TBC1D14: variants seen among roughly 807,000 people sequenced by gnomAD.
TBC1D14 encodes TBC1 domain family, member 14.
TBC1D14 carries 26 observed loss-of-function variants against 79.0 expected under a neutral mutation model. That is an observed-to-expected ratio of 0.33 (90% CI 0.24 to 0.46). The LOEUF (loss-of-function observed/expected upper bound fraction) is 0.46. TBC1D14 is among the 20% of genes least tolerant of loss of function. The pLI, the probability that TBC1D14 is intolerant of heterozygous loss-of-function variation, is 1.00. For missense variants in TBC1D14, 769 were observed against 887.6 expected (o/e 0.87, Z 1.70); for synonymous variants, 394 against 349.9 (o/e 1.13, Z -1.40).
intron 1 of TBC1D14, among the ~76,000 whole-genome samples, chr4:6,921,211 T>A (rs1723827832): frequency 6.6e-6 from 1 of 152,040 alleles, no homozygotes; most frequent in African/African-American, 2.4e-5. Context: ...TATTTTTTAT[T>A]TATTTATTTT....
At chr4:6,949,971 G>T (rs1282837518) in intron 2 of TBC1D14, among the ~76,000 whole-genome samples, 1 of 152,096 alleles carries the variant, frequency 6.6e-6, no homozygotes, top group South Asian at 2.1e-4. Flanking sequence ...AGGTATACAT[G>T]TGTTGTGGTT....
intron 2 of TBC1D14, among the ~76,000 whole-genome samples, chr4:6,963,961 C>G (rs1715474835): frequency 6.6e-6 from 1 of 152,066 alleles, no homozygotes; most frequent in African/African-American, 2.4e-5. Context: ...CCACGCCTGG[C>G]TAATTTTTGT....
chr4:6,959,095 C>G (rs971851242), intron 2 of TBC1D14, among the ~76,000 whole-genome samples: 1 of 151,990 alleles, frequency 6.6e-6, no homozygotes, highest in East Asian at 2.0e-4. Flanking sequence ...CCGTTTTAGC[C>G]GGGATGGTCT....
At chr4:7,024,766 C>T (rs764338990) in intron 12 of TBC1D14, among the ~76,000 whole-genome samples, 14 of 152,326 alleles carry the variant, frequency 9.2e-5, no homozygotes, top group Middle Eastern at 3.4e-3. Flanking sequence ...AGGCAGGAGT[C>T]GTTGCTGTCA....
intron 6 of TBC1D14, among the ~76,000 whole-genome samples, chr4:7,000,115 C>T (rs1212013609): frequency 6.6e-6 from 1 of 152,130 alleles, no homozygotes; most frequent in Non-Finnish European, 1.5e-5. Flanking sequence ...AGGCAGTATC[C>T]TCAAAAGGCT....
chr4:6,998,997 T>A (rs1279686190), intron 5 of TBC1D14, 88 bp from the exon 6 acceptor site: 1 of 1,304,024 alleles, frequency 7.7e-7, no homozygotes, highest in Non-Finnish European at 1.1e-6. Flanking sequence ...TTTCCTGGTG[T>A]GTTCGCAGTG....
At position 6,960,074 on chromosome 4, in the gene TBC1D14, T is replaced by A. The variant is rs560935145; in HGVS notation, c.723-7230T>A. On this transcript the variant is annotated intron_variant, in intron 2 of 13. Transcript: ENST00000409757. ...TGGGTGAAAAGTTGGCTTTCTACCCTGTGCCCCTTTTTTTTTTTTTTTTTT... is the reference window on the plus strand; with the variant it reads ...TGGGTGAAAAGTTGGCTTTCTACCCAGTGCCCCTTTTTTTTTTTTTTTTTT... Among the ~76,000 whole-genome samples, 456 of 141,100 alleles carry A rather than the reference T, an allele frequency of 3.2e-3. 1 individual carries two copies. Among genetic ancestry groups the A allele is most frequent in the African/African-American group, 0.011 (427 of 38,098 alleles). The allele number at this position is 141,100 out of a possible 152,430, so 92.6% of individuals were successfully genotyped here. A position where few individuals can be genotyped will look rare whatever the true frequency, so the allele number is the denominator to read the frequency against.
chr4:7,022,575 G>C (rs1721936957), intron 12 of TBC1D14, among the ~76,000 whole-genome samples: 1 of 152,210 alleles, frequency 6.6e-6, no homozygotes. Context: ...CTGATGCCAG[G>C]AACAAGCCCA....
chr4:6,953,321 C>T (rs1396970166), intron 2 of TBC1D14, among the ~76,000 whole-genome samples: 1 of 140,162 alleles, frequency 7.1e-6, no homozygotes, highest in Non-Finnish European at 1.6e-5. Flanking sequence ...CCACGCCCAG[C>T]CATAAGAATA....
At chr4:6,935,684 C>T (rs1192387202) in intron 2 of TBC1D14, among the ~76,000 whole-genome samples, 4 of 151,684 alleles carry the variant, frequency 2.6e-5, no homozygotes, top group Admixed American at 2.0e-4. Context: ...CACTGTATTG[C>T]CCAGGCTGGA....
At chr4:6,994,151 G>A (rs764845737) in intron 3 of TBC1D14, 33 bp from the exon 4 acceptor site, 6 of 1,551,144 alleles carry the variant, frequency 3.9e-6, no homozygotes, top group Non-Finnish European at 5.3e-6. Flanking sequence ...TATCTGAAAG[G>A]ACCTGGAGTC....
intron 12 of TBC1D14, among the ~76,000 whole-genome samples, chr4:7,018,901 T>G (rs1721538049): frequency 6.6e-6 from 1 of 152,260 alleles, no homozygotes; most frequent in Non-Finnish European, 1.5e-5. Flanking sequence ...GTGAGCTTTA[T>G]AATAAATAAT....
rs35025395 is a variant in TBC1D14, at chr4:6,968,501, C to T, written c.843+1077C>T. Among the ~76,000 whole-genome samples, 462 of 152,352 alleles carry T rather than the reference C, an allele frequency of 3.0e-3. 4 individuals carry two copies. The highest frequency in any genetic ancestry group is 5.1e-3 in the Non-Finnish European group (347 of 68,034). ...TCAGTTTACCAAAGAAGCACTGAGA[C>T]ACAGAGGCTGTGTGACTTGATGTGC... On this transcript the variant is annotated intron_variant, in intron 3 of 13. Coordinates refer to ENST00000409757, the MANE Select transcript of TBC1D14 (RefSeq NM_020773.3).
At chr4:6,955,549 C>T (rs912067925) in intron 2 of TBC1D14, among the ~76,000 whole-genome samples, 1 of 152,182 alleles carries the variant, frequency 6.6e-6, no homozygotes, top group Non-Finnish European at 1.5e-5. Flanking sequence ...TGGCACTCTC[C>T]ATGGGAGCCG....
Position 6,924,052 on chromosome 4 carries a change from T to C in TBC1D14, c.663T>C (p.His221=). The change falls in exon 2 of 14, where the codon CAT becomes CAC. Residue 221 remains histidine (H), a synonymous_variant. Coordinates refer to ENST00000409757, the MANE Select transcript of TBC1D14 (RefSeq NM_020773.3). ...TRGLHQQDCV[H]EAEEGSKLKI... ...GCTTACACCAGCAGGACTGTGTTCA[T>C]GAAGCTGAGGAGGGGAGTAAATTGA... 5.0e-6 allele frequency: 8 copies of C among 1,614,088 alleles called. No individual in the cohort carries two copies. The highest frequency in any genetic ancestry group is 6.8e-6 in the Non-Finnish European group (8 of 1,180,020).
intron 12 of TBC1D14, among the ~76,000 whole-genome samples, chr4:7,024,213 T>G (rs982337892): frequency 6.6e-6 from 1 of 152,170 alleles, no homozygotes; most frequent in African/African-American, 2.4e-5. Context: ...GTGGAAGCTT[T>G]AGTGGCCTGA....
chr4:6,963,121 G>A (rs565211878), intron 2 of TBC1D14, among the ~76,000 whole-genome samples: 227 of 152,370 alleles, frequency 1.5e-3, no homozygotes, highest in Non-Finnish European at 2.2e-3. Context: ...GCCCAGGCCC[G>A]GCAGCTGGTC....
At chr4:7,012,301 CAAAAA>C (rs35439827) in intron 11 of TBC1D14, among the ~76,000 whole-genome samples, 5 of 121,986 alleles carry the variant, frequency 4.1e-5, no homozygotes, top group Non-Finnish European at 3.5e-5. Flanking sequence ...GACCCCATCT[CAAAAA>C]AAAAAAAAAA....
At chr4:6,985,239 C>T (rs1178042719) in intron 3 of TBC1D14, among the ~76,000 whole-genome samples, 1 of 152,146 alleles carries the variant, frequency 6.6e-6, no homozygotes, top group African/African-American at 2.4e-5. Context: ...TGGGGAATTC[C>T]ATAGTAGCAT....
Sources: allele counts gnomAD v4.1 joint callset (sites outside exome capture counted in the v4.1 genomes callset), GRCh38; gene constraint gnomAD v4.1.1; transcripts MANE v1.5; gene names NCBI Gene and HGNC (gene_info 2026-07-23, HGNC 2026-07-21).